Variants in SUCLG2 observed in about 807,000 individuals in gnomAD.
SUCLG2 encodes the protein succinate-CoA ligase GDP-forming subunit beta.
A neutral mutation model predicts 47.9 loss-of-function variants in SUCLG2; 42 were observed. The ratio of observed to expected loss-of-function variants is 0.88; its 90% CI spans 0.69 to 1.14. The LOEUF (loss-of-function observed/expected upper bound fraction) is 1.14, where lower values mean the gene tolerates loss of function less well. SUCLG2 is among the 50% of genes most tolerant of loss of function. The probability of loss-of-function intolerance (pLI) is 0.00; values close to 1 mark genes in which losing one functional copy is unlikely to be tolerated. For synonymous variants in SUCLG2, 195 were observed against 197.3 expected (o/e 0.99, Z 0.10); for missense variants, 571 against 525.9 (o/e 1.09, Z -0.84).
downstream of SUCLG2, among the ~76,000 whole-genome samples, chr3:67,371,551 G>A (rs939083500): frequency 6.6e-5 from 10 of 152,138 alleles, no homozygotes; most frequent in African/African-American, 2.4e-4. Flanking sequence ...AATGGCCCTT[G>A]CCTTATGCCT....
chr3:67,483,450 A>G (rs902234888), intron 9 of SUCLG2, among the ~76,000 whole-genome samples: 1 of 152,190 alleles, frequency 6.6e-6, no homozygotes, highest in Non-Finnish European at 1.5e-5. Flanking sequence ...CAAATCTATC[A>G]GAAATAACAA....
At chr3:67,628,882 A>G (rs983687374) in intron 1 of SUCLG2, among the ~76,000 whole-genome samples, 1 of 152,218 alleles carries the variant, frequency 6.6e-6, no homozygotes, top group African/African-American at 2.4e-5. Context: ...TGGGAATTAT[A>G]TATAGCAAGA....
intron 9 of SUCLG2, among the ~76,000 whole-genome samples, chr3:67,433,209 C>A (rs559095558): frequency 2.0e-5 from 3 of 152,232 alleles, no homozygotes; most frequent in African/African-American, 7.2e-5. Context: ...CACTTTATAA[C>A]CATTTGAAAA....
chr3:67,368,278 C>G (rs778730160), intron 10 of SUCLG2, among the ~76,000 whole-genome samples: 1 of 152,148 alleles, frequency 6.6e-6, no homozygotes, highest in Non-Finnish European at 1.5e-5. Context: ...TTTCTTTATT[C>G]TTAAAGTTAA....
At chr3:67,360,603 A>G in exon 11 of SUCLG2, 2 of 1,476,746 alleles carry the variant, frequency 1.4e-6, no homozygotes, top group Non-Finnish European at 1.8e-6. Context: ...AAGTAATCTC[A>G]GCAAGTATCT....
chr3:67,624,509 C>T (rs567629292), intron 1 of SUCLG2, among the ~76,000 whole-genome samples: 67 of 152,316 alleles, frequency 4.4e-4, no homozygotes, highest in African/African-American at 1.5e-3. Context: ...TTGTCAAAAT[C>T]TCCATTTAAG....
chr3:67,380,719 C>G (rs202246694), intron 10 of SUCLG2, among the ~76,000 whole-genome samples: 1 of 132,944 alleles, frequency 7.5e-6, no homozygotes, highest in African/African-American at 2.8e-5. Flanking sequence ...GAGAGAGAGA[C>G]AAATGAAGAG....
intron 2 of SUCLG2, among the ~76,000 whole-genome samples, chr3:67,581,641 A>C (rs1177209837): frequency 6.6e-6 from 1 of 152,230 alleles, no homozygotes; most frequent in Non-Finnish European, 1.5e-5. Flanking sequence ...GAGACAGATG[A>C]AAAGAAAACA....
At chr3:67,548,821 A>G (rs1196890891) in intron 2 of SUCLG2, among the ~76,000 whole-genome samples, 1 of 152,210 alleles carries the variant, frequency 6.6e-6, no homozygotes, top group Non-Finnish European at 1.5e-5. Context: ...CTTAGCACAA[A>G]GCGCAATGTC....
At chr3:67,565,743 T>A (rs566552551) in intron 2 of SUCLG2, among the ~76,000 whole-genome samples, 2 of 152,348 alleles carry the variant, frequency 1.3e-5, no homozygotes, top group Admixed American at 6.5e-5. Context: ...CAATGTCTCA[T>A]TCACAACGTA....
chr3:67,386,815 G>C (rs1219358486), intron 10 of SUCLG2, among the ~76,000 whole-genome samples: 1 of 152,288 alleles, frequency 6.6e-6, no homozygotes, highest in Non-Finnish European at 1.5e-5. Context: ...ATCATTCTTG[G>C]AACAGCTCAG....
chr3:67,402,895 T>C (rs1702719717), intron 9 of SUCLG2, among the ~76,000 whole-genome samples: 3 of 152,202 alleles, frequency 2.0e-5, no homozygotes, highest in Non-Finnish European at 4.4e-5. Context: ...GTTTACATCA[T>C]AATCTTATGT....
intron 9 of SUCLG2, among the ~76,000 whole-genome samples, chr3:67,457,684 CTTTTTTTTTT>C (rs71109889): frequency 1.5e-5 from 1 of 65,510 alleles, no homozygotes. Context: ...ACAAAAGCAG[CTTTTTTTTTT>C]TTTTTTTTTT....
chr3:67,374,373 T>C (rs917005963), downstream of SUCLG2, among the ~76,000 whole-genome samples: 2 of 152,230 alleles, frequency 1.3e-5, no homozygotes, highest in Non-Finnish European at 2.9e-5. Flanking sequence ...ACTACATATT[T>C]ATACACTGAA....
chr3:67,479,429 A>T (rs1438441800), intron 9 of SUCLG2, among the ~76,000 whole-genome samples: 1 of 152,236 alleles, frequency 6.6e-6, no homozygotes, highest in African/African-American at 2.4e-5. Flanking sequence ...TTTCTTGACC[A>T]AACATCAAAG....
chr3:67,441,898 CTT>C (rs1201481048), intron 9 of SUCLG2, among the ~76,000 whole-genome samples: 1 of 152,206 alleles, frequency 6.6e-6, no homozygotes. Flanking sequence ...ACAGAAAACA[CTT>C]TGCCATCTTT....
chr3:67,628,100 T>C (rs1700865890), intron 1 of SUCLG2, among the ~76,000 whole-genome samples: 1 of 152,228 alleles, frequency 6.6e-6, no homozygotes, highest in South Asian at 2.1e-4. Context: ...TCTTTCTAAC[T>C]GGACCCCAAA....
chr3:67,650,643 G>C (rs1237618398), intron 1 of SUCLG2, among the ~76,000 whole-genome samples: 1 of 152,092 alleles, frequency 6.6e-6, no homozygotes, highest in Non-Finnish European at 1.5e-5. Context: ...TGTGGTACCA[G>C]CTACTCAGGA....
chr3:67,543,413 G>A (rs1460667568), intron 2 of SUCLG2, among the ~76,000 whole-genome samples: 2 of 152,182 alleles, frequency 1.3e-5, no homozygotes, highest in African/African-American at 4.8e-5. Flanking sequence ...GCCGAGGCAG[G>A]TGGGTTGATT....
Sources: allele counts gnomAD v4.1 joint callset (sites outside exome capture counted in the v4.1 genomes callset), GRCh38; gene constraint gnomAD v4.1.1; transcripts MANE v1.5; gene names NCBI Gene and HGNC (gene_info 2026-07-23, HGNC 2026-07-21).